FRA10AC1: variants seen among roughly 807,000 people sequenced by gnomAD.
The protein encoded by FRA10AC1 is FRA10A associated CGG repeat 1, also known as protein FRA10AC1.
A neutral mutation model predicts 56.5 loss-of-function variants in FRA10AC1; 43 were observed. The ratio of observed to expected loss-of-function variants is 0.76; its 90% confidence interval spans 0.60 to 0.98. The LOEUF is 0.98. FRA10AC1 is among the 50% of genes least tolerant of loss of function. The pLI is 0.00. For missense variants in FRA10AC1, 346 were observed against 351.8 expected (o/e 0.98, Z 0.13); for synonymous variants, 112 against 110.5 (o/e 1.01, Z -0.09).
In FRA10AC1 at chr10:93,667,990, A is replaced by T. The variant is rs1467264737; in HGVS notation, c.*1836T>A. ...CTTTTCTGAAACAGGTTCAGAAATGATTGCATAATTACTTCCTAGATGGTT... is the reference window on the plus strand; with the variant it reads ...CTTTTCTGAAACAGGTTCAGAAATGTTTGCATAATTACTTCCTAGATGGTT... On this transcript the variant is annotated 3_prime_UTR_variant, in exon 14 of 14. Transcript: ENST00000359204. 6.6e-6 allele frequency: 1 copy of T among 152,224 alleles called. No homozygotes were observed. Among genetic ancestry groups the T allele is most frequent in the Non-Finnish European group, 1.5e-5 (1 of 68,032 alleles). 9.4% of individuals were successfully genotyped at this position (152,224 alleles called of 1,614,324 possible).
At chr10:93,696,332 A>G (rs529398652) in intron 4 of FRA10AC1, among the ~76,000 whole-genome samples, 15 of 152,318 alleles carry the variant, frequency 9.8e-5, no homozygotes, top group African/African-American at 2.9e-4. Context: ...TCTCTAACCA[A>G]ATGACCAAGA....
At chr10:93,676,549 A>G in intron 12 of FRA10AC1, 104 bp downstream of exon 12, 2 of 1,400,820 alleles carry the variant, frequency 1.4e-6, no homozygotes, top group Non-Finnish European at 1.9e-6. Flanking sequence ...ATAATTAACA[A>G]AAACAAAAAA....
At chr10:93,691,755 C>T (rs1294364508) in intron 7 of FRA10AC1, among the ~76,000 whole-genome samples, 1 of 152,104 alleles carries the variant, frequency 6.6e-6, no homozygotes, top group Non-Finnish European at 1.5e-5. Context: ...TACCCACTTG[C>T]GTTTAATTTT....
intron 5 of FRA10AC1, among the ~76,000 whole-genome samples, chr10:93,694,330 G>A (rs1253775428): frequency 6.6e-6 from 1 of 152,104 alleles, no homozygotes; most frequent in Admixed American, 6.5e-5. Context: ...CGGCTCAGCA[G>A]GTAAAGAGTC....
In FRA10AC1 at chr10:93,702,522, A is replaced by ACCGCCGCCGCCGCCG. The variant is rs139811637; in HGVS notation, c.-163_-149dup. ...GCCGCACAGCCTCGCCACAACCACC[A>ACCGCCGCCGCCGCCG]CCGCCGCCGCCGCCGCCGCCGCCGC... On this transcript the variant is annotated 5_prime_UTR_variant, in exon 1 of 14. Coordinates refer to ENST00000359204, the MANE Select transcript of FRA10AC1 (RefSeq NM_145246.5). 83 of 216,050 alleles carry ACCGCCGCCGCCGCCG rather than the reference A, an allele frequency of 3.8e-4. 20 individuals are homozygous for ACCGCCGCCGCCGCCG. The highest frequency in any genetic ancestry group is 3.5e-3 in the East Asian group (22 of 6,216). 13.4% of individuals were successfully genotyped at this position (216,050 alleles called of 1,614,324 possible). A position where few individuals can be genotyped will look rare whatever the true frequency, so the allele number is the denominator to read the frequency against.
intron 6 of FRA10AC1, 100 bp from the exon 7 acceptor site, chr10:93,692,193 G>A: frequency 1.2e-6 from 1 of 823,872 alleles, no homozygotes; most frequent in Non-Finnish European, 1.7e-6. Context: ...AAATATTAAT[G>A]TTTTAAGAGA....
chr10:93,673,262 G>C, intron 12 of FRA10AC1: 1 of 453,870 alleles, frequency 2.2e-6, no homozygotes, highest in East Asian at 7.0e-5. Context: ...CTCCTACATA[G>C]TAGCAGCCTT....
intron 1 of FRA10AC1, among the ~76,000 whole-genome samples, chr10:93,701,929 A>C (rs949249861): frequency 6.6e-6 from 1 of 152,122 alleles, no homozygotes; most frequent in African/African-American, 2.4e-5. Context: ...TTATAAAAAG[A>C]GGCTAGTAAG....
chr10:93,675,192 A>AC (rs1036519758), intron 12 of FRA10AC1: 5 of 152,212 alleles, frequency 3.3e-5, no homozygotes, highest in Non-Finnish European at 5.9e-5. Context: ...TCTCTGCTAA[A>AC]TTTTTAAACA....
intron 12 of FRA10AC1, chr10:93,675,156 G>A (rs933734974): frequency 1.3e-5 from 2 of 152,222 alleles, no homozygotes; most frequent in East Asian, 3.9e-4. Context: ...ATTCCTAAGA[G>A]AGGAATACCT....
At chr10:93,698,905 G>T (rs2059281157) in intron 2 of FRA10AC1, among the ~76,000 whole-genome samples, 1 of 152,168 alleles carries the variant, frequency 6.6e-6, no homozygotes, top group South Asian at 2.1e-4. Context: ...AAAACATTAA[G>T]ACACTTTTTC....
chr10:93,697,504 A>T (rs2059252799), intron 4 of FRA10AC1, among the ~76,000 whole-genome samples: 1 of 152,190 alleles, frequency 6.6e-6, no homozygotes, highest in Non-Finnish European at 1.5e-5. Context: ...GGTATCTCTT[A>T]AATTCTCCAA....
At position 93,681,414 on chromosome 10, in the gene FRA10AC1, A is replaced by T. The variant is rs1009553677; in HGVS notation, c.787+66T>A. ...AATGCATTCACCAATTAGATGAATGAAATATGGCAGATTATATTTCATGCT... is the reference window on the plus strand; with the variant it reads ...AATGCATTCACCAATTAGATGAATGTAATATGGCAGATTATATTTCATGCT... On this transcript the variant is annotated intron_variant, in intron 11 of 13. Coordinates refer to ENST00000359204, the MANE Select transcript of FRA10AC1 (RefSeq NM_145246.5). The T allele has an allele frequency of 6.2e-5, 65 of 1,043,878 alleles. No individual in the cohort carries two copies. The Admixed American group carries it at 1.6e-3, about 26-fold the overall frequency. The allele number at this position is 1,043,878 out of a possible 1,614,324, so 64.7% of individuals were successfully genotyped here. A position where few individuals can be genotyped will look rare whatever the true frequency, so the allele number is the denominator to read the frequency against.
At chr10:93,697,100 A>G (rs1395787060) in intron 4 of FRA10AC1, among the ~76,000 whole-genome samples, 1 of 152,104 alleles carries the variant, frequency 6.6e-6, no homozygotes, top group Non-Finnish European at 1.5e-5. Flanking sequence ...AATAAAATAA[A>G]TCCTCACACA....
chr10:93,681,603 G>C lies in FRA10AC1; in HGVS notation c.669-5C>G, dbSNP rs771531865. The C allele has an allele frequency of 9.4e-6, 14 of 1,487,084 alleles. No individual in the cohort carries two copies. Among genetic ancestry groups the C allele is most frequent in the Non-Finnish European group, 8.9e-6 (10 of 1,118,758 alleles). 92.1% of individuals were successfully genotyped at this position (1,487,084 alleles called of 1,614,324 possible). A position where few individuals can be genotyped will look rare whatever the true frequency, so the allele number is the denominator to read the frequency against. ...TTTGACTTGATTTCTTTTCTCCTTTGTGTTAAACAATATAAAATTAAAGTT... is the reference window on the plus strand; with the variant it reads ...TTTGACTTGATTTCTTTTCTCCTTTCTGTTAAACAATATAAAATTAAAGTT... On this transcript the variant is annotated splice_polypyrimidine_tract_variant and splice_region_variant and intron_variant, in intron 10 of 13. Transcript: ENST00000359204.
chr10:93,684,191 C>A (rs934965551), intron 9 of FRA10AC1, 93 bp from the exon 10 acceptor site: 1 of 897,438 alleles, frequency 1.1e-6, no homozygotes, highest in Non-Finnish European at 1.8e-6. Context: ...TCTTTATATT[C>A]CATTACTATA....
At chr10:93,695,590 C>T (rs900358286) in intron 4 of FRA10AC1, among the ~76,000 whole-genome samples, 8 of 152,114 alleles carry the variant, frequency 5.3e-5, no homozygotes, top group Non-Finnish European at 8.8e-5. Context: ...CAAACATGCA[C>T]ATAATAGCTA....
intron 11 of FRA10AC1, among the ~76,000 whole-genome samples, chr10:93,678,883 G>T (rs903790015): frequency 6.6e-6 from 1 of 151,642 alleles, no homozygotes; most frequent in Non-Finnish European, 1.5e-5. Flanking sequence ...CTAAAGAGAG[G>T]CCAGAAAGAT....
At position 93,685,329 on chromosome 10, in the gene FRA10AC1, TCAC is replaced by T. The variant is rs1233392544; in HGVS notation, c.539_541del (p.Cys180_Asp181delinsTyr). ...CCAACTCTTTAAGCCTTCTTTTTTA[TCAC>T]AATATTTATTTCCACAGAAAAATTG... On this transcript the variant is annotated inframe_deletion, in exon 9 of 14. Transcript: ENST00000359204. 1 of 1,558,324 alleles carries T rather than the reference TCAC, an allele frequency of 6.4e-7. No homozygotes were observed. The highest frequency in any genetic ancestry group is 8.8e-7 in the Non-Finnish European group (1 of 1,132,572).
Sources: allele counts gnomAD v4.1 joint callset (sites outside exome capture counted in the v4.1 genomes callset), GRCh38; gene constraint gnomAD v4.1.1; transcripts MANE v1.5; gene names NCBI Gene and HGNC (gene_info 2026-07-23, HGNC 2026-07-21).